The following PLD1 variants were observed in gnomAD, a reference collection of about 807,000 sequenced individuals.
PLD1 encodes the protein phospholipase D1, also known as choline phosphatase 1.
A neutral mutation model predicts 137.1 loss-of-function variants in PLD1; 112 were observed. The ratio of observed to expected loss-of-function variants is 0.82; its 90% CI spans 0.70 to 0.96. The LOEUF is 0.96. Ranked by LOEUF, PLD1 falls within the 40% of genes least tolerant of loss-of-function variation. PLD1 has a pLI of 0.00. For synonymous variants in PLD1, 431 were observed against 454.7 expected (o/e 0.95, Z 0.66); for missense variants, 1,321 against 1,342.0 (o/e 0.98, Z 0.24).
chr3:171,611,070 A>G (rs1560141956), intron 25 of PLD1, among the ~76,000 whole-genome samples: 2 of 152,222 alleles, frequency 1.3e-5, no homozygotes, highest in African/African-American at 4.8e-5. Flanking sequence ...ACCATTTAAC[A>G]CAAAGAAAAC....
intron 1 of PLD1, among the ~76,000 whole-genome samples, chr3:171,773,742 AGTTTGTTT>A (rs139067977): frequency 3.6e-4 from 54 of 151,486 alleles, no homozygotes; most frequent in Non-Finnish European, 6.2e-4. Flanking sequence ...TTATTATACC[AGTTTGTTT>A]GTTTGTTTGT....
intron 24 of PLD1, among the ~76,000 whole-genome samples, chr3:171,614,196 G>T (rs1732904642): frequency 6.6e-6 from 1 of 152,174 alleles, no homozygotes; most frequent in Non-Finnish European, 1.5e-5. Context: ...AAAGGATCGA[G>T]CACCCTACAG....
intron 9 of PLD1, 68 bp from the exon 10 acceptor site, chr3:171,709,777 G>T (rs1051435078): frequency 3.0e-6 from 4 of 1,354,526 alleles, no homozygotes; most frequent in Non-Finnish European, 4.0e-6. Context: ...TTTTTTATTT[G>T]GTAATATACC....
intron 16 of PLD1, among the ~76,000 whole-genome samples, chr3:171,679,581 ACT>A (rs1713746037): frequency 6.6e-6 from 1 of 152,218 alleles, no homozygotes; most frequent in Non-Finnish European, 1.5e-5. Context: ...CAACTGCAAA[ACT>A]CTAAGCTAAG....
intron 21 of PLD1, among the ~76,000 whole-genome samples, chr3:171,652,766 A>ATTTTTTTT (rs1174564536): frequency 2.0e-4 from 15 of 75,628 alleles, no homozygotes; most frequent in Non-Finnish European, 2.8e-4. Flanking sequence ...ACACTCAGCT[A>ATTTTTTTT]TTTTTTTTTT....
intron 23 of PLD1, among the ~76,000 whole-genome samples, chr3:171,632,218 C>T (rs1734728061): frequency 1.3e-5 from 2 of 152,124 alleles, no homozygotes; most frequent in African/African-American, 4.8e-5. Context: ...GTCTATAGAG[C>T]AACTGGCCTG....
At chr3:171,652,631 T>G (rs1736877593) in intron 21 of PLD1, among the ~76,000 whole-genome samples, 1 of 151,970 alleles carries the variant, frequency 6.6e-6, no homozygotes, top group South Asian at 2.1e-4. Context: ...TGACAGGGTC[T>G]TGCTCTGTTA....
intron 9 of PLD1, 53 bp from the exon 10 acceptor site, chr3:171,709,762 T>C (rs954097431): frequency 1.3e-6 from 2 of 1,485,564 alleles, no homozygotes; most frequent in Admixed American, 2.1e-5. Context: ...TTCTATCTCA[T>C]GCTCTTTTTT....
At chr3:171,657,004 C>T (rs1193504126) in intron 21 of PLD1, among the ~76,000 whole-genome samples, 1 of 152,132 alleles carries the variant, frequency 6.6e-6, no homozygotes, top group Non-Finnish European at 1.5e-5. Flanking sequence ...TTAATCCTAA[C>T]CATCAATGCA....
intron 12 of PLD1, among the ~76,000 whole-genome samples, chr3:171,695,749 C>A (rs183931695): frequency 1.3e-5 from 2 of 150,562 alleles, no homozygotes; most frequent in African/African-American, 4.9e-5. Context: ...CCCCACCCCC[C>A]CAACCCAGGA....
At chr3:171,740,598 G>A (rs956561266) in intron 1 of PLD1, among the ~76,000 whole-genome samples, 1 of 152,094 alleles carries the variant, frequency 6.6e-6, no homozygotes, top group Non-Finnish European at 1.5e-5. Context: ...TCTTAAAAAT[G>A]CCTGTTAATT....
Position 171,692,340 on chromosome 3 carries a change from TG to T in PLD1, c.1329del (p.Asn444ThrfsTer2). 6.9e-7 allele frequency: 1 copy of T among 1,439,688 alleles called. No individual in the cohort carries two copies. The highest frequency in any genetic ancestry group is 9.8e-7 in the Non-Finnish European group (1 of 1,022,266). 89.2% of individuals were successfully genotyped at this position (1,439,688 alleles called of 1,614,324 possible). ...YTKRTLMRLH[P>X]NIKVMRHPDH... is the part of the protein sequence containing the mutation. ...AAGATGAACCTGAATACCTTTATGT[TG>T]GGATGTAGACGCATCAAAGTCCTCT... is the stretch of plus-strand genomic sequence containing the variant. On this transcript the variant is annotated frameshift_variant, in exon 13 of 27. Transcript: ENST00000351298. LOFTEE classifies it high-confidence loss of function.
intron 25 of PLD1, among the ~76,000 whole-genome samples, chr3:171,609,603 T>C (rs1732497985): frequency 6.6e-6 from 1 of 151,886 alleles, no homozygotes; most frequent in Admixed American, 6.6e-5. Flanking sequence ...ATGTATTTTG[T>C]AGCAACATGC....
At position 171,734,864 on chromosome 3, in the gene PLD1, C is replaced by T. The variant is rs1488094047; in HGVS notation, c.540+1G>A. On this transcript the variant is annotated splice_donor_variant, in intron 5 of 26. Coordinates refer to ENST00000351298, the MANE Select transcript of PLD1 (RefSeq NM_002662.5). LOFTEE classifies it high-confidence loss of function. The stretch of plus-strand genomic sequence containing the variant: ...AACCACAGAATAGTGAAGAAACTTA[C>T]TCTTCTACCAAGGAATTGTTCTTCT... 3 of 1,579,958 alleles carry T rather than the reference C, an allele frequency of 1.9e-6. No homozygotes were observed. Among genetic ancestry groups the T allele is most frequent in the Admixed American group, 3.3e-5 (2 of 59,902 alleles).
intron 23 of PLD1, among the ~76,000 whole-genome samples, chr3:171,628,256 T>A (rs1734318986): frequency 6.6e-6 from 1 of 151,878 alleles, no homozygotes; most frequent in African/African-American, 2.4e-5. Flanking sequence ...AACTAGAAAA[T>A]CTAGAAGAAA....
At chr3:171,654,049 G>A (rs1193229795) in intron 21 of PLD1, 5 of 382,774 alleles carry the variant, frequency 1.3e-5, no homozygotes, top group Non-Finnish European at 2.6e-5. Flanking sequence ...AGAAGCATGA[G>A]GGGCACTTTG....
In PLD1 at chr3:171,733,333, C is replaced by T. The variant is rs925758677; in HGVS notation, c.606+111G>A. 16 of 562,686 alleles carry T rather than the reference C, an allele frequency of 2.8e-5. 1 individual carries two copies. Among genetic ancestry groups the T allele is most frequent in the Middle Eastern group, 2.7e-4 (1 of 3,748 alleles). The allele number at this position is 562,686 out of a possible 1,614,324, so 34.9% of individuals were successfully genotyped here. A position where few individuals can be genotyped will look rare whatever the true frequency, so the allele number is the denominator to read the frequency against. ...CACTTAATTTATTTTAATGCAAGGA[C>T]GAATGTAGGTGTGGATACAATCACT... On this transcript the variant is annotated intron_variant, in intron 6 of 26. Transcript: ENST00000351298.
At chr3:171,774,465 T>A (rs1347446695) in intron 1 of PLD1, among the ~76,000 whole-genome samples, 1 of 152,102 alleles carries the variant, frequency 6.6e-6, no homozygotes, top group Non-Finnish European at 1.5e-5. Context: ...GAAAATGCTG[T>A]GAGGAAGGCA....
chr3:171,676,752 A>T lies in PLD1; in HGVS notation c.2078T>A (p.Val693Glu), dbSNP rs765637820. The change falls in exon 18 of 27, where the codon GTG becomes GAG. Residue 693 changes from valine (V) to glutamate (E), a missense_variant. Coordinates refer to ENST00000351298, the MANE Select transcript of PLD1 (RefSeq NM_002662.5). The part of the protein sequence containing the change: ...SAVHGKAARD[V>E]ARHFIQRWNF... Reference sequence around the variant, plus strand: ...CCAGCGCTGGATGAAGTGACGTGCCACATCACGAGCCGCCTTCCCGTGGAC... The same window carrying T: ...CCAGCGCTGGATGAAGTGACGTGCCTCATCACGAGCCGCCTTCCCGTGGAC... The T allele has an allele frequency of 1.2e-6, 2 of 1,614,056 alleles. No individual in the cohort carries two copies. The highest frequency in any genetic ancestry group is 1.7e-5 in the Admixed American group (1 of 60,004).
Sources: allele counts gnomAD v4.1 joint callset (sites outside exome capture counted in the v4.1 genomes callset), GRCh38; gene constraint gnomAD v4.1.1; transcripts MANE v1.5; gene names NCBI Gene and HGNC (gene_info 2026-07-23, HGNC 2026-07-21).